Variants in TLR6 observed in about 807,000 individuals in gnomAD.
The protein encoded by TLR6 is toll like receptor 6.
In TLR6, 9 loss-of-function variants were observed where a neutral mutation model predicts 16.1. That is an observed-to-expected ratio of 0.56 (90% CI 0.34 to 0.98). TLR6 has a LOEUF of 0.98. Ranked by LOEUF, TLR6 falls within the 50% of genes least tolerant of loss-of-function variation. The probability of loss-of-function intolerance (pLI) is 0.02; values close to 1 mark genes in which losing one functional copy is unlikely to be tolerated. For missense variants in TLR6, 786 were observed against 921.0 expected, an observed-to-expected ratio of 0.85 and a Z score of 1.90; for synonymous variants, 340 against 338.6, an observed-to-expected ratio of 1.00 and a Z score of -0.04.
chr4:38,856,184 A>G (rs1239590205), intron 1 of TLR6, among the ~76,000 whole-genome samples: 1 of 152,238 alleles, frequency 6.6e-6, no homozygotes, highest in Non-Finnish European at 1.5e-5. Context: ...TCCTCCATTT[A>G]ATAAATGTTT....
chr4:38,849,105 G>T (rs1441155650), intron 1 of TLR6, among the ~76,000 whole-genome samples: 2 of 152,206 alleles, frequency 1.3e-5, no homozygotes, highest in Admixed American at 6.5e-5. Flanking sequence ...CAAGCCAGAA[G>T]AGAGTGGGGG....
rs5743814 is a variant in TLR6 at position 38,828,349 on chromosome 4, C to T, written c.1125G>A (p.Thr375=). The stretch of plus-strand genomic sequence containing the variant: ...AGATAAGTGTCTCCAATTTAACTAA[C>T]GTGGAACATTTTTCAAAAATACTAT... Residue 375 remains threonine (T), a synonymous_variant, in exon 2 of 2, where the codon ACG becomes ACA. Transcript: ENST00000436693. 2.3e-5 allele frequency: 37 copies of T among 1,613,156 alleles called. No homozygotes were observed. In the Admixed American group the frequency reaches 2.8e-4, roughly 12 times the overall value.
chr4:38,831,506 T>A (rs569904123), intron 1 of TLR6, among the ~76,000 whole-genome samples: 2 of 152,306 alleles, frequency 1.3e-5, no homozygotes, highest in East Asian at 3.9e-4. Flanking sequence ...GAAAACACTG[T>A]TAAGTTGGAC....
upstream of TLR6, among the ~76,000 whole-genome samples, chr4:38,861,010 G>A: frequency 6.6e-6 from 1 of 152,066 alleles, no homozygotes; most frequent in East Asian, 1.9e-4. Context: ...CCTACACGCT[G>A]GCCTGAGCAC....
upstream of TLR6, among the ~76,000 whole-genome samples, chr4:38,861,345 C>A (rs1484128392): frequency 6.6e-6 from 1 of 152,124 alleles, no homozygotes; most frequent in Non-Finnish European, 1.5e-5. Context: ...CTCAGTCATG[C>A]ATTCCCTTAT....
Position 38,828,840 on chromosome 4 carries a change from G to A in TLR6, c.634C>T (p.Gln212Ter). The change falls in exon 2 of 2, where the codon CAA becomes TAA. Residue 212 changes from glutamine to a stop codon, truncating the protein, a stop_gained. Coordinates refer to ENST00000436693, the Ensembl canonical transcript of TLR6. LOFTEE classifies it low-confidence loss of function (END_TRUNC). ...AAAGTATTAACTGATATGTTCACTT[G>A]GATAGCGAATAAACTAGTTGGGTGA... is the stretch of plus-strand genomic sequence containing the variant. The A allele has an allele frequency of 6.2e-7, 1 of 1,613,966 alleles. No homozygotes were observed. Among genetic ancestry groups the A allele is most frequent in the Non-Finnish European group, 8.5e-7 (1 of 1,179,938 alleles).
exon 2 of TLR6, chr4:38,826,627 C>G (rs974021001): frequency 1.3e-5 from 2 of 154,884 alleles, no homozygotes; most frequent in Non-Finnish European, 2.9e-5. Flanking sequence ...TTTTATATGC[C>G]GTAGCTGATC....
chr4:38,865,787 T>A, the TLR6 span, among the ~76,000 whole-genome samples: 1 of 152,244 alleles, frequency 6.6e-6, no homozygotes, highest in East Asian at 1.9e-4. Context: ...TTGATCTCAA[T>A]TTAAAGCAGT....
At chr4:38,826,810 A>G (rs979290252) in exon 2 of TLR6, 6 of 271,290 alleles carry the variant, frequency 2.2e-5, no homozygotes, top group Admixed American at 4.8e-5. Context: ...TTGGGAAAGC[A>G]GAGTGGAGAG....
At chr4:38,861,052 T>C (rs1050416807), upstream of TLR6, among the ~76,000 whole-genome samples, 3 of 152,038 alleles carry the variant, frequency 2.0e-5, no homozygotes, top group Non-Finnish European at 4.4e-5. Context: ...TCTTCTTGGG[T>C]GCACCCTTCA....
At chr4:38,826,673 G>A (rs1219739131) in exon 2 of TLR6, 1 of 157,098 alleles carries the variant, frequency 6.4e-6, no homozygotes, top group Non-Finnish European at 1.4e-5. Flanking sequence ...TGAAGAGAAT[G>A]ATGACACTGA....
At chr4:38,866,285 A>C in the TLR6 span, among the ~76,000 whole-genome samples, 3 of 151,236 alleles carry the variant, frequency 2.0e-5, no homozygotes, top group African/African-American at 7.3e-5. Context: ...TGAGGTCAGG[A>C]GTTCGAGACC....
chr4:38,833,038 G>T (rs554588375), intron 1 of TLR6, among the ~76,000 whole-genome samples: 5 of 152,160 alleles, frequency 3.3e-5, no homozygotes, highest in Non-Finnish European at 1.5e-5. Context: ...GCCACACAGG[G>T]TGTGGCACAT....
chr4:38,857,866 C>G (rs1326047862), upstream of TLR6, among the ~76,000 whole-genome samples: 1 of 152,154 alleles, frequency 6.6e-6, no homozygotes, highest in East Asian at 1.9e-4. Flanking sequence ...CAAAAGGAGA[C>G]AGCCAGAAAG....
intron 1 of TLR6, among the ~76,000 whole-genome samples, chr4:38,851,351 A>C (rs1712763652): frequency 6.6e-6 from 1 of 152,134 alleles, no homozygotes; most frequent in African/African-American, 2.4e-5. Context: ...CACCACTCCT[A>C]TTCATATTCA....
Position 38,828,620 on chromosome 4 carries a change from T to C in TLR6, c.854A>G (p.Asn285Ser). 6.2e-7 allele frequency: 1 copy of C among 1,614,012 alleles called. No homozygotes were observed. Among genetic ancestry groups the C allele is most frequent in the Non-Finnish European group, 8.5e-7 (1 of 1,179,884 alleles). The change falls in exon 2 of 2, where the codon AAT becomes AGT. Residue 285 changes from asparagine (N) to serine (S), a missense_variant. By Grantham distance (46) the Asn-to-Ser change is conservative (BLOSUM62 1). Transcript: ENST00000436693. ...ACGAATGCTTTCAATTATTGTTAAA[T>C]TGTAAATATTGAGATATTCCACAGG...
exon 2 of TLR6, chr4:38,828,244 A>G (rs1413219561): frequency 6.2e-7 from 1 of 1,613,408 alleles, no homozygotes. Flanking sequence ...AATTCCAGCT[A>G]ACATCCAGTA....
chr4:38,846,745 A>G (rs548481416), intron 1 of TLR6, among the ~76,000 whole-genome samples: 2 of 152,272 alleles, frequency 1.3e-5, no homozygotes, highest in South Asian at 4.1e-4. Flanking sequence ...ATAAGAAGGG[A>G]GAAGGGAGTT....
intron 1 of TLR6, among the ~76,000 whole-genome samples, chr4:38,843,039 T>C (rs1297649619): frequency 5.3e-5 from 8 of 152,152 alleles, no homozygotes; most frequent in African/African-American, 1.9e-4. Flanking sequence ...AATGAAAAAG[T>C]TTGCCAGGCT....
Sources: allele counts gnomAD v4.1 joint callset (sites outside exome capture counted in the v4.1 genomes callset), GRCh38; gene constraint gnomAD v4.1.1; transcripts MANE v1.5; gene names NCBI Gene and HGNC (gene_info 2026-07-23, HGNC 2026-07-21).